OXCT1: variants seen among roughly 807,000 people sequenced by gnomAD.
OXCT1 encodes the protein succinyl-CoA:3-ketoacid coenzyme A transferase 1, mitochondrial.
OXCT1 carries 27 observed loss-of-function variants against 69.6 expected under a neutral mutation model. That is an observed-to-expected ratio of 0.39 (90% CI 0.29 to 0.54). The LOEUF is 0.54. Ranked by LOEUF, OXCT1 falls within the 20% of genes least tolerant of loss-of-function variation. The pLI is 0.72. For missense variants in OXCT1, 437 were observed against 650.2 expected (o/e 0.67, Z 3.57); for synonymous variants, 202 against 217.8 (o/e 0.93, Z 0.64).
intron 1 of OXCT1, among the ~76,000 whole-genome samples, chr5:41,863,456 C>T (rs1228019720): frequency 2.0e-5 from 3 of 152,100 alleles, no homozygotes; most frequent in Non-Finnish European, 4.4e-5. Flanking sequence ...CTCACCAACC[C>T]CTCACCCCCA....
At chr5:41,866,413 TA>T (rs1224675815) in intron 1 of OXCT1, among the ~76,000 whole-genome samples, 1 of 152,192 alleles carries the variant, frequency 6.6e-6, no homozygotes, top group Non-Finnish European at 1.5e-5. Flanking sequence ...TACAGTTAAA[TA>T]AATGACAAGG....
intron 11 of OXCT1, among the ~76,000 whole-genome samples, chr5:41,798,077 G>T (rs1175172593): frequency 3.3e-5 from 5 of 152,140 alleles, no homozygotes; most frequent in Non-Finnish European, 7.3e-5. Flanking sequence ...AATGTTGATA[G>T]AAAGTTATCA....
At chr5:41,849,617 ATAT>A (rs1293586912) in intron 5 of OXCT1, among the ~76,000 whole-genome samples, 2 of 152,188 alleles carry the variant, frequency 1.3e-5, no homozygotes, top group African/African-American at 2.4e-5. Flanking sequence ...TCAGACAAAC[ATAT>A]TATTTCCTTG....
chr5:41,815,139 A>G (rs1747177080), intron 7 of OXCT1, among the ~76,000 whole-genome samples: 1 of 152,142 alleles, frequency 6.6e-6, no homozygotes. Context: ...TTAAATCTTT[A>G]TATTATACAA....
intron 6 of OXCT1, among the ~76,000 whole-genome samples, chr5:41,840,922 C>A (rs1239216854): frequency 2.0e-5 from 3 of 152,170 alleles, no homozygotes; most frequent in Non-Finnish European, 4.4e-5. Flanking sequence ...GGAAAAGTAG[C>A]AAATGCTTCA....
intron 15 of OXCT1, among the ~76,000 whole-genome samples, chr5:41,742,131 T>C (rs1350575098): frequency 6.6e-6 from 1 of 151,956 alleles, no homozygotes; most frequent in Non-Finnish European, 1.5e-5. Context: ...TCAGGGAGAG[T>C]AAATCTATGG....
At chr5:41,743,410 T>C (rs1743291439) in intron 15 of OXCT1, among the ~76,000 whole-genome samples, 1 of 152,182 alleles carries the variant, frequency 6.6e-6, no homozygotes, top group South Asian at 2.1e-4. Context: ...TTGTAAAAAT[T>C]TTCTCCCATT....
chr5:41,828,447 G>A (rs1291329234), intron 7 of OXCT1, among the ~76,000 whole-genome samples: 1 of 152,048 alleles, frequency 6.6e-6, no homozygotes, highest in Non-Finnish European at 1.5e-5. Context: ...CTATACATGA[G>A]AAACTGGCCG....
In OXCT1 at chr5:41,805,431, A is replaced by AC; in HGVS notation, c.955+135_955+136insG. ...TTATATGCCACATTTTGTAAAAAAAAAAAAAAAATTGATTAATTACCTTAA... is the reference window on the plus strand; with the variant it reads ...TTATATGCCACATTTTGTAAAAAAAACAAAAAAAATTGATTAATTACCTTAA... On this transcript the variant is annotated intron_variant, in intron 9 of 16. Transcript: ENST00000196371. 3 of 660,806 alleles carry AC rather than the reference A, an allele frequency of 4.5e-6. No individual in the cohort carries two copies. The East Asian group carries it at 8.2e-5, about 18-fold the overall frequency. 40.9% of individuals were successfully genotyped at this position (660,806 alleles called of 1,614,324 possible).
intron 7 of OXCT1, among the ~76,000 whole-genome samples, chr5:41,819,779 A>G (rs1747456404): frequency 6.6e-6 from 1 of 152,092 alleles, no homozygotes; most frequent in Admixed American, 6.6e-5. Flanking sequence ...ATGAATCAAC[A>G]GCACTTGACT....
intron 13 of OXCT1, among the ~76,000 whole-genome samples, chr5:41,767,210 T>C (rs1004375148): frequency 3.9e-5 from 6 of 152,184 alleles, no homozygotes; most frequent in Non-Finnish European, 7.4e-5. Context: ...CACAGTTACA[T>C]GAGAATATTT....
intron 13 of OXCT1, among the ~76,000 whole-genome samples, chr5:41,764,728 G>A (rs552578832): frequency 6.6e-6 from 1 of 152,178 alleles, no homozygotes; most frequent in African/African-American, 2.4e-5. Context: ...TGAGTGAGTG[G>A]ATGAATGAAT....
At chr5:41,773,604 G>A (rs928122160) in intron 13 of OXCT1, among the ~76,000 whole-genome samples, 31 of 149,682 alleles carry the variant, frequency 2.1e-4, no homozygotes, top group African/African-American at 6.7e-4. Context: ...TTATCCCTTC[G>A]CAACCCGCCC....
Position 41,870,223 on chromosome 5 carries a change from C to G in OXCT1, c.78+58G>C. On this transcript the variant is annotated intron_variant, in intron 1 of 16. Transcript: ENST00000196371. This position sits in a 1 kb window ranked among gnomAD's most constrained non-coding sequence, Gnocchi z 4.2. ...GGCAGAGAAGAAAACGCGGGCACCA[C>G]TCAGGGTTTGGTCCACGTTCTTCCT... 7.3e-7 allele frequency: 1 copy of G among 1,371,086 alleles called. No individual in the cohort carries two copies. The allele number at this position is 1,371,086 out of a possible 1,614,324, so 84.9% of individuals were successfully genotyped here.
chr5:41,804,504 T>C (rs1023786189), intron 9 of OXCT1, among the ~76,000 whole-genome samples: 1 of 152,070 alleles, frequency 6.6e-6, no homozygotes, highest in East Asian at 1.9e-4. Flanking sequence ...ATCAGTATTA[T>C]AGTCAGTGTT....
intron 7 of OXCT1, among the ~76,000 whole-genome samples, chr5:41,816,374 T>C (rs1041814637): frequency 3.3e-5 from 5 of 152,188 alleles, no homozygotes; most frequent in Non-Finnish European, 7.4e-5. Context: ...CTAAAGAAAT[T>C]CAAACATGTT....
At chr5:41,849,372 G>A (rs750080158) in intron 5 of OXCT1, among the ~76,000 whole-genome samples, 9 of 152,144 alleles carry the variant, frequency 5.9e-5, no homozygotes, top group South Asian at 2.1e-4. Context: ...AAAAAATACC[G>A]TAATGAAATA....
chr5:41,806,247 T>C (rs576238598), intron 8 of OXCT1, among the ~76,000 whole-genome samples: 1 of 152,200 alleles, frequency 6.6e-6, no homozygotes, highest in Non-Finnish European at 1.5e-5. Context: ...CATCCTTTCT[T>C]CCTGGGCCCC....
Position 41,853,318 on chromosome 5 carries a change from A to G in OXCT1, c.414+101T>C, listed in dbSNP as rs907619927. On this transcript the variant is annotated intron_variant, in intron 4 of 16. Coordinates refer to ENST00000196371, the MANE Select transcript of OXCT1 (RefSeq NM_000436.4). ...AAATTCCCTGGTTTGGCAAAGTACT[A>G]TTCCTTCTGCCTTACCTCTTTTGCA... is the stretch of plus-strand genomic sequence containing the variant. The G allele has an allele frequency of 5.8e-6, 6 of 1,040,392 alleles. No individual in the cohort carries two copies. In the African/African-American group the frequency reaches 8.0e-5, roughly 14 times the overall value. 64.4% of individuals were successfully genotyped at this position (1,040,392 alleles called of 1,614,324 possible). A position where few individuals can be genotyped will look rare whatever the true frequency, so the allele number is the denominator to read the frequency against.
Sources: allele counts gnomAD v4.1 joint callset (sites outside exome capture counted in the v4.1 genomes callset), GRCh38; gene constraint gnomAD v4.1.1; non-coding constraint Gnocchi (gnomAD v3.1); transcripts MANE v1.5; gene names NCBI Gene and HGNC (gene_info 2026-07-23, HGNC 2026-07-21).